Variants in MCM6 observed in about 807,000 individuals in gnomAD.
MCM6 encodes the protein DNA replication licensing factor MCM6.
A neutral mutation model predicts 94.3 loss-of-function variants in MCM6; 46 were observed. The observed-to-expected ratio is 0.49, with a 90% CI of 0.39 to 0.62. MCM6 has a LOEUF of 0.62. Among genes scored for constraint, MCM6 ranks in the 20% least tolerant of loss-of-function variants. The probability of loss-of-function intolerance (pLI) is 0.00; values close to 1 mark genes in which losing one functional copy is unlikely to be tolerated. For synonymous variants in MCM6, 335 were observed against 351.9 expected (o/e 0.95, Z 0.54); for missense variants, 865 against 1,017.9 (o/e 0.85, Z 2.04).
At chr2:135,864,402 G>A (rs2105587548) in intron 7 of MCM6, among the ~76,000 whole-genome samples, 1 of 152,236 alleles carries the variant, frequency 6.6e-6, no homozygotes, top group African/African-American at 2.4e-5. Flanking sequence ...GAGGCTGGAG[G>A]TAGGGTTGCT....
chr2:135,846,142 A>G (rs2105572877), intron 15 of MCM6, 95 bp downstream of exon 15: 12 of 1,291,186 alleles, frequency 9.3e-6, no homozygotes, highest in South Asian at 1.4e-5. Context: ...CTCTCTTCCG[A>G]CAGAACAACA....
chr2:135,857,004 T>C (rs1575362635), intron 10 of MCM6, 121 bp from the exon 11 acceptor site: 1 of 822,408 alleles, frequency 1.2e-6, no homozygotes, highest in Non-Finnish European at 1.9e-6. Context: ...ACATACCCTT[T>C]TTCACATAAA....
In MCM6 at chr2:135,870,315, G is replaced by A. The variant is rs767037709; in HGVS notation, c.301C>T (p.Arg101Cys). 5 of 1,613,794 alleles carry A rather than the reference G, an allele frequency of 3.1e-6. No homozygotes were observed. The highest frequency in any genetic ancestry group is 2.2e-5 in the South Asian group (2 of 91,052). Residue 101 changes from arginine (R) to cysteine (C), a missense_variant, in exon 3 of 17, where the codon CGT becomes TGT. Arg to Cys is a radical substitution (Grantham distance 180). This residue lies in a region of MCM6 where 404 missense variants were observed against 451.9 expected (regional missense o/e 0.89). Coordinates refer to ENST00000264156, the MANE Select transcript of MCM6 (RefSeq NM_005915.6). ...TCCTTGGCAAGAGGGATCTCTTTAC[G>A]GTCTTTGACGAATGTTTTCAAGGCC... ...CRALKTFVKDRKEIPLAKDFY... is the reference protein window; with the variant it reads ...CRALKTFVKDCKEIPLAKDFY...
chr2:135,868,184 G>A (rs775280994), intron 4 of MCM6, among the ~76,000 whole-genome samples: 1 of 152,160 alleles, frequency 6.6e-6, no homozygotes, highest in Non-Finnish European at 1.5e-5. Context: ...TCTCTCAGAT[G>A]ATCTCCAATT....
intron 16 of MCM6, among the ~76,000 whole-genome samples, chr2:135,844,134 G>A (rs1005668426): frequency 3.3e-5 from 5 of 151,270 alleles, no homozygotes; most frequent in African/African-American, 1.2e-4. Context: ...AAAAAAAAAA[G>A]TTATATTTAA....
chr2:135,857,204 G>C (rs1285369679), intron 10 of MCM6, among the ~76,000 whole-genome samples: 2 of 152,168 alleles, frequency 1.3e-5, no homozygotes, highest in Non-Finnish European at 2.9e-5. Flanking sequence ...GAATCAAGCT[G>C]TGGTATACAC....
intron 8 of MCM6, among the ~76,000 whole-genome samples, chr2:135,861,747 G>A (rs887798529): frequency 3.3e-5 from 5 of 152,102 alleles, no homozygotes; most frequent in Non-Finnish European, 7.4e-5. Context: ...CAAGTAGCTG[G>A]GACTGTATAC....
chr2:135,860,763 A>G (rs866387726), intron 8 of MCM6, among the ~76,000 whole-genome samples: 2 of 152,256 alleles, frequency 1.3e-5, no homozygotes, highest in Non-Finnish European at 2.9e-5. Flanking sequence ...GAAAACCCAC[A>G]GATAACATCA....
intron 7 of MCM6, among the ~76,000 whole-genome samples, chr2:135,864,294 A>C (rs1680049263): frequency 6.6e-6 from 1 of 152,176 alleles, no homozygotes. Flanking sequence ...AAAGGTATAG[A>C]CAGAACAAGT....
At chr2:135,848,002 A>G in intron 14 of MCM6, 51 bp downstream of exon 14, 1 of 1,494,608 alleles carries the variant, frequency 6.7e-7, no homozygotes, top group Non-Finnish European at 9.2e-7. Context: ...GACATCTCAG[A>G]AAATGTTTTG....
In MCM6 at chr2:135,868,729, C is replaced by G; in HGVS notation, c.497G>C (p.Arg166Thr). The change falls in exon 4 of 17, where the codon AGG (arginine) becomes ACG (threonine). Residue 166 changes from arginine to threonine, a missense_variant. Around this residue, in one of 3 missense-constraint regions of MCM6, gnomAD observed 404 missense variants for 451.9 expected, o/e 0.89. Coordinates refer to ENST00000264156, the MANE Select transcript of MCM6 (RefSeq NM_005915.6). ...GTATTTGAACTGCTGTTCTACATCC[C>G]TGATCACTGTCTGACAGTCCAAGCA... ...FLCLDCQTVI[R>T]DVEQQFKYTQ... 6.2e-7 allele frequency: 1 copy of G among 1,614,172 alleles called. No individual in the cohort carries two copies. The highest frequency in any genetic ancestry group is 8.5e-7 in the Non-Finnish European group (1 of 1,180,026).
In MCM6 at chr2:135,876,247, T is replaced by C. The variant is rs1680295083; in HGVS notation, c.107+12A>G. ...CGGAGGCGGGCGAGGCCCGGGGCGC[T>C]CGCCGACTTACTCCTCCAAGAAGTC... On this transcript the variant is annotated intron_variant, in intron 1 of 16. Coordinates refer to ENST00000264156, the MANE Select transcript of MCM6 (RefSeq NM_005915.6). 1 of 1,584,734 alleles carries C rather than the reference T, an allele frequency of 6.3e-7. No homozygotes were observed. Among genetic ancestry groups the C allele is most frequent in the Admixed American group, 1.8e-5 (1 of 56,606 alleles).
At chr2:135,852,496 GT>G (rs1164126471) in intron 12 of MCM6, among the ~76,000 whole-genome samples, 1 of 152,096 alleles carries the variant, frequency 6.6e-6, no homozygotes, top group Non-Finnish European at 1.5e-5. Flanking sequence ...TCTTAGTAAT[GT>G]TTGAAATAAA....
chr2:135,863,075 T>C (rs112828315), intron 7 of MCM6, among the ~76,000 whole-genome samples: 60 of 152,336 alleles, frequency 3.9e-4, no homozygotes, highest in African/African-American at 1.3e-3. Flanking sequence ...TCTCTCCTGA[T>C]AAATGAACTA....
chr2:135,869,086 C>A (rs1214999621), intron 3 of MCM6, among the ~76,000 whole-genome samples: 1 of 151,692 alleles, frequency 6.6e-6, no homozygotes, highest in East Asian at 1.9e-4. Context: ...TAAAGGATGC[C>A]AAAAAAATGA....
At chr2:135,871,948 CA>C (rs991606975) in intron 2 of MCM6, among the ~76,000 whole-genome samples, 1 of 152,076 alleles carries the variant, frequency 6.6e-6, no homozygotes, top group Non-Finnish European at 1.5e-5. Context: ...TAAGCGAAAA[CA>C]AAATTAAACT....
chr2:135,870,406 G>A, intron 2 of MCM6, 45 bp from the exon 3 acceptor site: 1 of 1,360,954 alleles, frequency 7.3e-7, no homozygotes, highest in South Asian at 1.2e-5. Context: ...GTTTACCAAG[G>A]CCTCCTTCCC....
intron 2 of MCM6, among the ~76,000 whole-genome samples, chr2:135,872,347 C>G (rs981907232): frequency 1.3e-5 from 2 of 152,120 alleles, no homozygotes; most frequent in African/African-American, 4.8e-5. Flanking sequence ...ATTCGGGAGG[C>G]TGACGCAGAA....
At chr2:135,850,561 G>A (rs751904825) in intron 13 of MCM6, among the ~76,000 whole-genome samples, 2 of 152,082 alleles carry the variant, frequency 1.3e-5, no homozygotes, top group Admixed American at 6.6e-5. Flanking sequence ...AAAGTACTTC[G>A]TCAATAGTAA....
Sources: allele counts gnomAD v4.1 joint callset (sites outside exome capture counted in the v4.1 genomes callset), GRCh38; gene constraint gnomAD v4.1.1; regional missense constraint gnomAD v4.1.1; transcripts MANE v1.5; gene names NCBI Gene and HGNC (gene_info 2026-07-23, HGNC 2026-07-21).